Variants in CADM2 observed in about 807,000 individuals in gnomAD.
The protein encoded by CADM2 is cell adhesion molecule 2, also known as immunoglobulin superfamily member 4D.
Under a neutral mutation model 49.8 loss-of-function variants are expected in CADM2, and 12 were observed. The ratio of observed to expected loss-of-function variants is 0.24; its 90% CI spans 0.15 to 0.39. The LOEUF (loss-of-function observed/expected upper bound fraction) is 0.39, where lower values mean the gene tolerates loss of function less well. CADM2 is among the 10% of genes least tolerant of loss of function. The pLI is 1.00. For missense variants in CADM2, 378 were observed against 492.3 expected (o/e 0.77, Z 2.20); for synonymous variants, 214 against 175.4 (o/e 1.22, Z -1.74).
chr3:85,088,790 C>T (rs926906558), intron 1 of CADM2, among the ~76,000 whole-genome samples: 10 of 152,168 alleles, frequency 6.6e-5, no homozygotes, highest in African/African-American at 1.7e-4. Context: ...CTTTACACTA[C>T]TTTTATTTGT....
At chr3:85,768,758 T>C (rs1010872229) in intron 2 of CADM2, among the ~76,000 whole-genome samples, 1 of 138,188 alleles carries the variant, frequency 7.2e-6, no homozygotes, top group Non-Finnish European at 1.5e-5. Context: ...TATACATATA[T>C]AGTATATATA....
At chr3:85,392,862 C>T (rs886524061) in intron 1 of CADM2, among the ~76,000 whole-genome samples, 1 of 152,058 alleles carries the variant, frequency 6.6e-6, no homozygotes, top group Admixed American at 6.5e-5. Context: ...ATATTTTTCT[C>T]ATCCACATGG....
At chr3:85,925,947 C>T (rs1719775518) in intron 6 of CADM2, among the ~76,000 whole-genome samples, 1 of 151,844 alleles carries the variant, frequency 6.6e-6, no homozygotes, top group African/African-American at 2.4e-5. Context: ...ACCATCCTGG[C>T]TAACACGGTG....
At chr3:85,029,484 GT>G (rs2034885835) in intron 1 of CADM2, among the ~76,000 whole-genome samples, 1 of 152,166 alleles carries the variant, frequency 6.6e-6, no homozygotes, top group Admixed American at 6.5e-5. Context: ...CAGTTTGATG[GT>G]TTACTTTGCT....
chr3:86,052,903 T>A (rs1428650088), intron 8 of CADM2, among the ~76,000 whole-genome samples: 2 of 152,158 alleles, frequency 1.3e-5, no homozygotes, highest in Non-Finnish European at 2.9e-5. Flanking sequence ...CTCACAAACA[T>A]GCACACAACT....
chr3:85,587,241 A>T (rs2107323259), intron 1 of CADM2, among the ~76,000 whole-genome samples: 1 of 152,232 alleles, frequency 6.6e-6, no homozygotes, highest in African/African-American at 2.4e-5. Context: ...GAAGTTAGAC[A>T]TAAACGAAGC....
intron 1 of CADM2, among the ~76,000 whole-genome samples, chr3:85,464,010 A>G (rs1191012567): frequency 6.6e-6 from 1 of 152,146 alleles, no homozygotes; most frequent in African/African-American, 2.4e-5. Flanking sequence ...CTGTTTTTTA[A>G]GTGATCAATA....
At position 85,383,503 on chromosome 3, in the gene CADM2, C is replaced by CATATATATATAT. The variant is rs1241135851; in HGVS notation, c.62-343018_62-343007dup. On this transcript the variant is annotated intron_variant, in intron 1 of 9. Transcript: ENST00000383699. The stretch of plus-strand genomic sequence containing the variant: ...TAATATAATACTTTATACATAAAAC[C>CATATATATATAT]ATATATATATATGTATATATATATA... 3.5e-3 allele frequency among the ~76,000 whole-genome samples: 381 copies of CATATATATATAT among 109,122 alleles called. 8 individuals are homozygous for CATATATATATAT. Among genetic ancestry groups the CATATATATATAT allele is most frequent in the Middle Eastern group, 5.4e-3 (1 of 186 alleles). 71.6% of individuals were successfully genotyped at this position (109,122 alleles called of 152,430 possible).
In CADM2 at chr3:85,658,615, T is replaced by TAC. The variant is rs200149021; in HGVS notation, c.62-67906_62-67905insCA. 1.3e-3 allele frequency among the ~76,000 whole-genome samples: 171 copies of TAC among 132,320 alleles called. 2 individuals carry two copies. Among genetic ancestry groups the TAC allele is most frequent in the African/African-American group, 3.6e-3 (123 of 34,624 alleles). 86.8% of individuals were successfully genotyped at this position (132,320 alleles called of 152,430 possible). Reference sequence around the variant, plus strand: ...ATATATATATATATATATATATATATATACATGTATGCATATGTTTGTTTA... The same window carrying TAC: ...ATATATATATATATATATATATATATACATACATGTATGCATATGTTTGTTTA... On this transcript the variant is annotated intron_variant, in intron 1 of 9. Transcript: ENST00000383699.
At chr3:86,000,299 C>A (rs979674332) in intron 8 of CADM2, among the ~76,000 whole-genome samples, 1 of 152,058 alleles carries the variant, frequency 6.6e-6, no homozygotes, top group Non-Finnish European at 1.5e-5. Flanking sequence ...GGTGAAGTTT[C>A]TAAATAATGG....
intron 8 of CADM2, among the ~76,000 whole-genome samples, chr3:85,965,795 A>C (rs1725401054): frequency 1.3e-5 from 2 of 151,650 alleles, no homozygotes; most frequent in South Asian, 4.1e-4. Context: ...ATACCATTTT[A>C]TCATGCAAGG....
chr3:85,139,969 G>A lies in CADM2; in HGVS notation c.61+180301G>A, dbSNP rs12107265. Among the ~76,000 whole-genome samples the A allele has an allele frequency of 9.8e-3, 1,493 of 152,184 alleles. 23 individuals are homozygous for A. Among genetic ancestry groups the A allele is most frequent in the African/African-American group, 0.032 (1,347 of 41,536 alleles). On this transcript the variant is annotated intron_variant, in intron 1 of 9. Coordinates refer to ENST00000383699, the MANE Select transcript of CADM2 (RefSeq NM_001167675.2). ...GAAAAGAGAGAAGACAGTGAGATGAGGTTGTACAGAACAGATAACACGTTC... is the reference window on the plus strand; with the variant it reads ...GAAAAGAGAGAAGACAGTGAGATGAAGTTGTACAGAACAGATAACACGTTC...
At chr3:85,685,558 T>G (rs1378269644) in intron 1 of CADM2, among the ~76,000 whole-genome samples, 2 of 152,006 alleles carry the variant, frequency 1.3e-5, no homozygotes, top group East Asian at 3.8e-4. Context: ...TAAACAGCTT[T>G]AATAAAATAA....
rs373230800 is a variant in CADM2, at chr3:85,136,419, GA to G, written c.61+176753del. ...ATGGTGTTGAAAAAGTTTAGAAACA[GA>G]AGATTGTATTTTTGAATAATATGTT... On this transcript the variant is annotated intron_variant, in intron 1 of 9. Transcript: ENST00000383699. 1.3e-3 allele frequency among the ~76,000 whole-genome samples: 199 copies of G among 151,882 alleles called. 1 individual carries two copies. The East Asian group carries it at 0.025, about 19-fold the overall frequency.
At chr3:85,352,525 G>A (rs1195611433) in intron 1 of CADM2, among the ~76,000 whole-genome samples, 4 of 152,102 alleles carry the variant, frequency 2.6e-5, no homozygotes, top group East Asian at 1.9e-4. Flanking sequence ...GTACCTTCAC[G>A]GCTTCATTTA....
In CADM2 at chr3:86,067,024, A is replaced by G. The variant is rs912613752; in HGVS notation, c.*241A>G. On this transcript the variant is annotated 3_prime_UTR_variant, in exon 10 of 10. Transcript: ENST00000383699. ...AATTTCACACCATTGCTCTTTTAACATACAGTGCTTGAATATACAGCCTTA... is the reference window on the plus strand; with the variant it reads ...AATTTCACACCATTGCTCTTTTAACGTACAGTGCTTGAATATACAGCCTTA... 2.1e-5 allele frequency: 10 copies of G among 484,352 alleles called. 1 individual carries two copies. Among genetic ancestry groups the G allele is most frequent in the Middle Eastern group, 5.3e-4 (1 of 1,870 alleles). 30.0% of individuals were successfully genotyped at this position (484,352 alleles called of 1,614,324 possible).
At chr3:85,651,447 A>G (rs2065039416) in intron 1 of CADM2, among the ~76,000 whole-genome samples, 2 of 152,190 alleles carry the variant, frequency 1.3e-5, no homozygotes, top group African/African-American at 4.8e-5. Context: ...ACTCTGGGCA[A>G]TATGAAGACA....
intron 2 of CADM2, among the ~76,000 whole-genome samples, chr3:85,744,637 A>C (rs1328287701): frequency 6.6e-6 from 1 of 152,112 alleles, no homozygotes; most frequent in African/African-American, 2.4e-5. Flanking sequence ...CCATGAGGCT[A>C]TTGGGGGATG....
chr3:85,697,004 G>A (rs953014699), intron 1 of CADM2, among the ~76,000 whole-genome samples: 2 of 150,830 alleles, frequency 1.3e-5, no homozygotes, highest in East Asian at 1.9e-4. Context: ...CAAGTTGGAT[G>A]TTTGAAACAC....
Sources: gnomAD v4.1 joint callset for allele counts (sites outside exome capture counted in the v4.1 genomes callset) on GRCh38, gnomAD v4.1.1 for gene constraint, MANE v1.5 for transcripts, NCBI Gene and HGNC (gene_info 2026-07-23, HGNC 2026-07-21) for gene names.